The following ANK1 variants were observed in gnomAD, a reference collection of about 807,000 sequenced individuals.
The protein encoded by ANK1 is ankyrin 1.
A neutral mutation model predicts 210.4 loss-of-function variants in ANK1; 51 were observed. The observed-to-expected ratio is 0.24, with a 90% confidence interval of 0.19 to 0.31. The LOEUF (loss-of-function observed/expected upper bound fraction) is 0.31. Ranked by LOEUF, ANK1 falls within the 10% of genes least tolerant of loss-of-function variation. The pLI, the probability that ANK1 is intolerant of heterozygous loss-of-function variation, is 1.00. For synonymous variants in ANK1, 967 were observed against 1,025.9 expected (o/e 0.94, Z 1.10); for missense variants, 2,051 against 2,504.4 (o/e 0.82, Z 3.86).
upstream of ANK1, among the ~76,000 whole-genome samples, chr8:41,800,605 T>C (rs775463428): frequency 2.0e-5 from 3 of 152,236 alleles, no homozygotes; most frequent in Non-Finnish European, 4.4e-5. Flanking sequence ...CAGTCTTTCA[T>C]GGGATTCCAT....
At chr8:41,856,096 G>A (rs7825202) in intron 1 of ANK1, among the ~76,000 whole-genome samples, 53,402 of 151,986 alleles carry the variant, frequency 0.35, 9,636 homozygotes, top group African/African-American at 0.43. Context: ...TGCCTCTAAA[G>A]TGGAAGCCCC....
rs754438500 is a variant in ANK1, at chr8:41,718,216, A to G, written c.1108-12T>C. 16 of 1,612,004 alleles carry G rather than the reference A, an allele frequency of 9.9e-6. No homozygotes were observed. The highest frequency in any genetic ancestry group is 1.4e-5 in the Non-Finnish European group (16 of 1,178,740). On this transcript the variant is annotated splice_polypyrimidine_tract_variant and intron_variant, in intron 10 of 42. Coordinates refer to ENST00000289734, the MANE Select transcript of ANK1 (RefSeq NM_000037.4). ...GGGGTAAAGCCATTCTGCAGCCCAC[A>G]CAAAGGGAGACAGACAAGCAGGAGC... is the stretch of plus-strand genomic sequence containing the variant.
intron 9 of ANK1, among the ~76,000 whole-genome samples, chr8:41,721,937 A>C (rs763577812): frequency 6.6e-6 from 1 of 152,234 alleles, no homozygotes; most frequent in Non-Finnish European, 1.5e-5. Flanking sequence ...TAAAACAAAA[A>C]ATCTTAACTT....
chr8:41,738,021 AATG>A, intron 2 of ANK1, among the ~76,000 whole-genome samples: 2 of 152,326 alleles, frequency 1.3e-5, no homozygotes, highest in African/African-American at 4.8e-5. Flanking sequence ...ATAAAAAATA[AATG>A]CAAAATCATG....
intron 23 of ANK1, among the ~76,000 whole-genome samples, chr8:41,698,429 T>C (rs770256089): frequency 6.6e-6 from 1 of 152,238 alleles, no homozygotes; most frequent in Non-Finnish European, 1.5e-5. Context: ...AGTCCGTAAG[T>C]TGCTTACGGT....
At chr8:41,686,400 G>C in intron 35 of ANK1, 117 bp from the exon 36 acceptor site, 1 of 1,336,358 alleles carries the variant, frequency 7.5e-7, no homozygotes, top group Non-Finnish European at 1.1e-6. Context: ...GGAGCACAGG[G>C]AGCTCTGAGG....
intron 1 of ANK1, among the ~76,000 whole-genome samples, chr8:41,884,471 G>C (rs1050552518): frequency 6.6e-6 from 1 of 152,186 alleles, no homozygotes; most frequent in African/African-American, 2.4e-5. Flanking sequence ...GCGTCCCTCA[G>C]GACAGGCACT....
At chr8:41,735,515 C>T (rs1294939876) in intron 2 of ANK1, among the ~76,000 whole-genome samples, 2 of 152,190 alleles carry the variant, frequency 1.3e-5, no homozygotes, top group Admixed American at 6.5e-5. Context: ...AACAGATCCT[C>T]ACCACCTAGA....
chr8:41,754,280 A>AG (rs1838526787), intron 2 of ANK1, among the ~76,000 whole-genome samples: 2 of 152,218 alleles, frequency 1.3e-5, no homozygotes, highest in Admixed American at 6.5e-5. Context: ...CATTCACATA[A>AG]GGGGGTTCCT....
At chr8:41,688,107 G>C (rs1300956337) in intron 35 of ANK1, 49 bp downstream of exon 35, 3 of 1,563,980 alleles carry the variant, frequency 1.9e-6, no homozygotes, top group South Asian at 2.2e-5. Context: ...AGGGGAAGAG[G>C]GTAGGTGAGA....
intron 23 of ANK1, among the ~76,000 whole-genome samples, chr8:41,699,094 C>T (rs546157447): frequency 2.8e-4 from 42 of 152,238 alleles, no homozygotes; most frequent in Non-Finnish European, 1.9e-4. Flanking sequence ...CCACCGCACC[C>T]GGCCATCTTC....
intron 1 of ANK1, among the ~76,000 whole-genome samples, chr8:41,765,309 GCTCA>G (rs1174338661): frequency 1.3e-5 from 2 of 150,694 alleles, no homozygotes; most frequent in Non-Finnish European, 2.9e-5. Flanking sequence ...TGCAGTTATA[GCTCA>G]CTGCAGCCTC....
At chr8:41,743,035 C>T (rs1835175629) in intron 2 of ANK1, among the ~76,000 whole-genome samples, 1 of 152,176 alleles carries the variant, frequency 6.6e-6, no homozygotes, top group African/African-American at 2.4e-5. Flanking sequence ...AAGCTTAATT[C>T]CGCAAATAGC....
chr8:41,674,334 C>T (rs1416453661), intron 37 of ANK1, among the ~76,000 whole-genome samples: 1 of 152,210 alleles, frequency 6.6e-6, no homozygotes, highest in Non-Finnish European at 1.5e-5. Context: ...CTCTCTCTCA[C>T]CCACACACTC....
chr8:41,879,365 A>G (rs538717493), intron 1 of ANK1, among the ~76,000 whole-genome samples: 69 of 152,332 alleles, frequency 4.5e-4, no homozygotes, highest in African/African-American at 1.4e-3. Context: ...AGGGATTACT[A>G]TTATTCACCA....
chr8:41,734,291 A>G (rs894443725), intron 2 of ANK1, among the ~76,000 whole-genome samples: 2 of 152,186 alleles, frequency 1.3e-5, no homozygotes, highest in African/African-American at 4.8e-5. Context: ...AAGGGCAAGA[A>G]CTAGCCCGCC....
chr8:41,804,376 G>T (rs1012186882), intron 1 of ANK1, among the ~76,000 whole-genome samples: 2 of 152,314 alleles, frequency 1.3e-5, no homozygotes, highest in Non-Finnish European at 2.9e-5. Context: ...CATTCTATTT[G>T]CTAGAAGCAA....
intron 1 of ANK1, among the ~76,000 whole-genome samples, chr8:41,886,590 T>C (rs973087181): frequency 1.4e-4 from 22 of 152,180 alleles, no homozygotes; most frequent in African/African-American, 5.3e-4. Context: ...GGAGGCAATG[T>C]TTCAACTGCG....
intron 37 of ANK1, among the ~76,000 whole-genome samples, chr8:41,682,029 C>T (rs1473000706): frequency 6.6e-6 from 1 of 152,184 alleles, no homozygotes; most frequent in Non-Finnish European, 1.5e-5. Flanking sequence ...AGGGCTCCCT[C>T]AAAGACTTAA....
Sources: allele counts gnomAD v4.1 joint callset (sites outside exome capture counted in the v4.1 genomes callset), GRCh38; gene constraint gnomAD v4.1.1; transcripts MANE v1.5; gene names NCBI Gene and HGNC (gene_info 2026-07-23, HGNC 2026-07-21).